Variants in RAPGEF4 observed in about 807,000 individuals in gnomAD.
RAPGEF4 encodes Rap guanine nucleotide exchange factor 4, also known as RAP guanine-nucleotide-exchange factor (GEF) 4.
In RAPGEF4, 66 loss-of-function variants were observed where a neutral mutation model predicts 147.9. The ratio of observed to expected loss-of-function variants is 0.45; its 90% CI spans 0.37 to 0.55. RAPGEF4 has a LOEUF of 0.55. Ranked by LOEUF, RAPGEF4 falls within the 20% of genes least tolerant of loss-of-function variation. RAPGEF4 has a pLI of 0.00. For missense variants in RAPGEF4, 1,071 were observed against 1,257.3 expected (o/e 0.85, Z 2.24); for synonymous variants, 419 against 442.7 (o/e 0.95, Z 0.67).
intron 4 of RAPGEF4, among the ~76,000 whole-genome samples, chr2:172,818,895 T>G (rs751135973): frequency 2.0e-5 from 3 of 152,180 alleles, no homozygotes; most frequent in Non-Finnish European, 4.4e-5. Context: ...AAATCCTATT[T>G]AATTCTATCC....
At chr2:172,949,720 TTGAACTC>T (rs1688022883) in intron 6 of RAPGEF4, among the ~76,000 whole-genome samples, 1 of 152,206 alleles carries the variant, frequency 6.6e-6, no homozygotes, top group Admixed American at 6.5e-5. Flanking sequence ...ATAGTGTCCT[TTGAACTC>T]TGACAAATCA....
intron 4 of RAPGEF4, among the ~76,000 whole-genome samples, chr2:172,872,883 C>T (rs1402005849): frequency 6.6e-6 from 1 of 152,114 alleles, no homozygotes; most frequent in East Asian, 1.9e-4. Flanking sequence ...CCTGCTTTTC[C>T]TTCCAGCTTC....
intron 1 of RAPGEF4, among the ~76,000 whole-genome samples, chr2:172,740,018 A>C (rs1264772148): frequency 6.6e-6 from 1 of 152,212 alleles, no homozygotes; most frequent in Non-Finnish European, 1.5e-5. Flanking sequence ...GTGTCTATAA[A>C]CAAAGTTTTA....
At chr2:173,000,382 C>T (rs577422865) in intron 16 of RAPGEF4, among the ~76,000 whole-genome samples, 5 of 152,290 alleles carry the variant, frequency 3.3e-5, no homozygotes, top group Admixed American at 1.3e-4. Context: ...TTAAGATGAG[C>T]GTCACAATCT....
chr2:172,841,807 C>CACACACACACT (rs150430110), intron 4 of RAPGEF4, among the ~76,000 whole-genome samples: 11 of 137,580 alleles, frequency 8.0e-5, no homozygotes, highest in East Asian at 2.2e-4. Flanking sequence ...CACACACACA[C>CACACACACACT]ACACACACAC....
chr2:172,796,875 G>A (rs1402201638), intron 2 of RAPGEF4, among the ~76,000 whole-genome samples: 1 of 152,144 alleles, frequency 6.6e-6, no homozygotes, highest in African/African-American at 2.4e-5. Context: ...AGGACAGTTA[G>A]TTTGCATGAG....
rs1684792968 is a variant in RAPGEF4, at chr2:172,782,655, A to G, written c.66-12370A>G. The stretch of plus-strand genomic sequence containing the variant: ...TACTATGGTGAAAATTACACAGAGG[A>G]AAAAAAGCCATCAGTTGAAACCCAT... On this transcript the variant is annotated intron_variant, in intron 1 of 30. Coordinates refer to ENST00000397081, the MANE Select transcript of RAPGEF4 (RefSeq NM_007023.4). Among the ~76,000 whole-genome samples, 3 of 152,220 alleles carry G rather than the reference A, an allele frequency of 2.0e-5. No individual in the cohort carries two copies. In the South Asian group the frequency reaches 6.2e-4, roughly 32 times the overall value.
chr2:173,045,885 A>G (rs1250507848), intron 29 of RAPGEF4, among the ~76,000 whole-genome samples: 2 of 152,216 alleles, frequency 1.3e-5, no homozygotes, highest in Non-Finnish European at 2.9e-5. Context: ...TCTTTCAGCA[A>G]CTCAGGAGAG....
At chr2:172,863,020 C>T (rs1245880538) in intron 4 of RAPGEF4, among the ~76,000 whole-genome samples, 1 of 151,818 alleles carries the variant, frequency 6.6e-6, no homozygotes, top group Non-Finnish European at 1.5e-5. Flanking sequence ...CAGGATGGTG[C>T]CTGTGGGAAT....
At chr2:172,916,228 A>G (rs938252205) in intron 4 of RAPGEF4, among the ~76,000 whole-genome samples, 1 of 152,156 alleles carries the variant, frequency 6.6e-6, no homozygotes, top group Non-Finnish European at 1.5e-5. Context: ...GATTGACATT[A>G]AGGTGCCTGA....
At chr2:172,797,448 C>A in intron 2 of RAPGEF4, 77 bp from the exon 3 acceptor site, 2 of 1,134,798 alleles carry the variant, frequency 1.8e-6, no homozygotes, top group Non-Finnish European at 2.6e-6. Flanking sequence ...CATGCTTGGA[C>A]CAGTGAAAAA....
intron 6 of RAPGEF4, among the ~76,000 whole-genome samples, chr2:172,923,809 G>A (rs1341468712): frequency 6.6e-6 from 1 of 152,136 alleles, no homozygotes; most frequent in African/African-American, 2.4e-5. Flanking sequence ...AGTAAACATT[G>A]GGGCTATTAA....
chr2:172,772,468 C>T (rs1019914446), intron 1 of RAPGEF4, among the ~76,000 whole-genome samples: 2 of 151,964 alleles, frequency 1.3e-5, no homozygotes, highest in Non-Finnish European at 1.5e-5. Flanking sequence ...CTCAGCCTCC[C>T]GAGTACCTGG....
Position 172,988,797 on chromosome 2 carries a change from TTTC to T in RAPGEF4, c.1335_1337del (p.Phe445del). On this transcript the variant is annotated inframe_deletion, in exon 14 of 31. Transcript: ENST00000397081. ...TCGTCTTACGAGAAGATAACTGCCA[TTTC>T]TTAAGAGTAGACAAGGAGGATTTCA... is the stretch of plus-strand genomic sequence containing the variant. The T allele has an allele frequency of 1.2e-6, 2 of 1,613,968 alleles. No homozygotes were observed. The highest frequency in any genetic ancestry group is 1.7e-6 in the Non-Finnish European group (2 of 1,179,814).
intron 1 of RAPGEF4, 34 bp from the exon 2 acceptor site, chr2:172,794,991 T>C: frequency 6.4e-7 from 1 of 1,569,500 alleles, no homozygotes; most frequent in Middle Eastern, 1.7e-4. Context: ...AAATCTTTAC[T>C]GACATAGCTT....
intron 5 of RAPGEF4, among the ~76,000 whole-genome samples, chr2:172,921,062 T>C (rs1455450581): frequency 2.0e-5 from 3 of 152,154 alleles, no homozygotes; most frequent in Non-Finnish European, 4.4e-5. Flanking sequence ...CTGCATTCTG[T>C]ACTACTGCCT....
chr2:173,005,282 A>G (rs765145972), intron 17 of RAPGEF4, among the ~76,000 whole-genome samples: 4 of 152,046 alleles, frequency 2.6e-5, no homozygotes, highest in East Asian at 1.9e-4. Context: ...TTACTCTCCT[A>G]TTGTCTCAAT....
chr2:172,984,963 A>G (rs1221797726), intron 11 of RAPGEF4, among the ~76,000 whole-genome samples: 1 of 152,222 alleles, frequency 6.6e-6, no homozygotes, highest in African/African-American at 2.4e-5. Flanking sequence ...TTGGAATTTT[A>G]ACTAAGAATA....
chr2:172,763,755 TTATAAATAA>T (rs1174682820), intron 1 of RAPGEF4, among the ~76,000 whole-genome samples: 1 of 152,236 alleles, frequency 6.6e-6, no homozygotes, highest in African/African-American at 2.4e-5. Context: ...AAGGAATTTG[TTATAAATAA>T]TGTTGACTTT....
Sources: gnomAD v4.1 joint callset for allele counts (sites outside exome capture counted in the v4.1 genomes callset) on GRCh38, gnomAD v4.1.1 for gene constraint, MANE v1.5 for transcripts, NCBI Gene and HGNC (gene_info 2026-07-23, HGNC 2026-07-21) for gene names.